GALNT2: variants seen among roughly 807,000 people sequenced by gnomAD.
GALNT2 encodes the protein UDP-GalNAc:polypeptide N-acetylgalactosaminyltransferase 2.
In GALNT2, 31 loss-of-function variants were observed where a neutral mutation model predicts 81.4. That is an observed-to-expected ratio of 0.38 (90% CI 0.29 to 0.51). The LOEUF (loss-of-function observed/expected upper bound fraction) is 0.51, where lower values mean the gene tolerates loss of function less well. GALNT2 is among the 20% of genes least tolerant of loss of function. The probability of loss-of-function intolerance (pLI) is 0.87; values close to 1 mark genes in which losing one functional copy is unlikely to be tolerated. For missense variants in GALNT2, 629 were observed against 765.7 expected (o/e 0.82, Z 2.11); for synonymous variants, 303 against 287.4 (o/e 1.05, Z -0.55).
At chr1:230,235,393 G>A (rs1015027480) in intron 3 of GALNT2, among the ~76,000 whole-genome samples, 6 of 152,118 alleles carry the variant, frequency 3.9e-5, no homozygotes, top group African/African-American at 1.4e-4. Flanking sequence ...GAAGAGGAGA[G>A]CTCAGGCAGG....
chr1:230,243,470 T>C lies in GALNT2; in HGVS notation c.729+43T>C. On this transcript the variant is annotated intron_variant, in intron 7 of 15. Coordinates refer to ENST00000366672, the MANE Select transcript of GALNT2 (RefSeq NM_004481.5). The surrounding 1 kb of genome is among the most constrained non-coding windows in gnomAD (Gnocchi z 4.2). ...GGGAGGGGTGTCAGGTCGTGGGTGG[T>C]TGGTAGAGGGGACAGAAGGGAGCAT... is the stretch of plus-strand genomic sequence containing the variant. 6.2e-7 allele frequency: 1 copy of C among 1,600,472 alleles called. No homozygotes were observed.
chr1:230,190,316 C>G (rs1463597973), intron 2 of GALNT2, among the ~76,000 whole-genome samples: 2 of 152,230 alleles, frequency 1.3e-5, no homozygotes, highest in Non-Finnish European at 2.9e-5. Flanking sequence ...GTGTGCTGCC[C>G]CCATAGCTGA....
chr1:230,224,399 C>T (rs1664643285), intron 3 of GALNT2, among the ~76,000 whole-genome samples: 1 of 152,210 alleles, frequency 6.6e-6, no homozygotes, highest in African/African-American at 2.4e-5. Context: ...AGCTGAAGTG[C>T]AGCCCTCGGA....
At chr1:230,200,256 G>T (rs1376253351) in intron 2 of GALNT2, among the ~76,000 whole-genome samples, 1 of 152,018 alleles carries the variant, frequency 6.6e-6, no homozygotes, top group Non-Finnish European at 1.5e-5. Context: ...TAGAGATGGG[G>T]TTTCACCATG....
rs559207387 is a variant in GALNT2 at position 230,201,607 on chromosome 1, A to G, written c.221-1530A>G. 4.6e-5 allele frequency among the ~76,000 whole-genome samples: 7 copies of G among 152,178 alleles called. No individual in the cohort carries two copies. In the South Asian group the frequency reaches 1.4e-3, roughly 32 times the overall value. On this transcript the variant is annotated intron_variant, in intron 2 of 15. Coordinates refer to ENST00000366672, the MANE Select transcript of GALNT2 (RefSeq NM_004481.5). ...TTTTCAAGGTCAACTGCACGACCCA[A>G]GGGTTGACACGCTGCAAAAGAGCTG...
chr1:230,236,433 A>G lies in GALNT2; in HGVS notation c.541+13A>G. On this transcript the variant is annotated intron_variant, in intron 5 of 15. Transcript: ENST00000366672. ...TACAGCAATGATCGTGAGTACTGAC[A>G]CTGATTTTATCCCTGTGTCTGGCTC... 1 of 1,613,000 alleles carries G rather than the reference A, an allele frequency of 6.2e-7. No individual in the cohort carries two copies. The highest frequency in any genetic ancestry group is 8.5e-7 in the Non-Finnish European group (1 of 1,178,992).
chr1:230,107,675 A>C (rs887007968), intron 1 of GALNT2, among the ~76,000 whole-genome samples: 1 of 150,714 alleles, frequency 6.6e-6, no homozygotes, highest in African/African-American at 2.4e-5. Flanking sequence ...CATGGATTAA[A>C]GAAAGGAGAA....
intron 3 of GALNT2, among the ~76,000 whole-genome samples, chr1:230,209,582 C>A (rs1215088475): frequency 3.3e-5 from 5 of 152,330 alleles, no homozygotes; most frequent in Middle Eastern, 6.8e-3. Context: ...TGGCTCATGC[C>A]TGTAATCCCA....
chr1:230,232,795 GA>G (rs1185049956), intron 3 of GALNT2, among the ~76,000 whole-genome samples: 1 of 152,100 alleles, frequency 6.6e-6, no homozygotes, highest in Non-Finnish European at 1.5e-5. Context: ...AAAAAAGAAA[GA>G]AAAACCAGCC....
chr1:230,220,761 G>A (rs10864731), intron 3 of GALNT2, among the ~76,000 whole-genome samples: 35,348 of 151,996 alleles, frequency 0.23, 6,854 homozygotes, highest in East Asian at 0.73. Flanking sequence ...AATCAGACCC[G>A]CCCTAAGGAA....
intron 1 of GALNT2, among the ~76,000 whole-genome samples, chr1:230,168,191 A>G (rs1275081534): frequency 6.6e-6 from 1 of 152,124 alleles, no homozygotes; most frequent in African/African-American, 2.4e-5. Context: ...TCGGGCGCTC[A>G]GCTAACTTAG....
chr1:230,245,141 C>A (rs1158937052), intron 7 of GALNT2, among the ~76,000 whole-genome samples: 1 of 150,810 alleles, frequency 6.6e-6, no homozygotes, highest in Non-Finnish European at 1.5e-5. Context: ...AAAGACATGG[C>A]TCAATCTAGG....
intron 1 of GALNT2, among the ~76,000 whole-genome samples, chr1:230,164,513 G>C (rs1662538811): frequency 2.5e-5 from 1 of 39,610 alleles, no homozygotes. Context: ...TTCTTGCCCA[G>C]GACAGCACGG....
intron 2 of GALNT2, among the ~76,000 whole-genome samples, chr1:230,195,307 C>T (rs1404363796): frequency 6.6e-6 from 1 of 150,600 alleles, no homozygotes; most frequent in Admixed American, 6.6e-5. Flanking sequence ...TGAGCTCTAG[C>T]CTTGGTGGAA....
At chr1:230,222,269 G>A (rs561319841) in intron 3 of GALNT2, among the ~76,000 whole-genome samples, 115 of 151,890 alleles carry the variant, frequency 7.6e-4, no homozygotes, top group Admixed American at 2.2e-3. Context: ...CTCGTGATCC[G>A]CCCGCCTCGG....
chr1:230,108,567 T>C (rs952758364), intron 1 of GALNT2, among the ~76,000 whole-genome samples: 2 of 152,256 alleles, frequency 1.3e-5, no homozygotes, highest in South Asian at 2.1e-4. Context: ...CCTCAGCTTA[T>C]GATGGGATCA....
chr1:230,238,773 AC>A (rs757883012), intron 6 of GALNT2, among the ~76,000 whole-genome samples: 69 of 152,100 alleles, frequency 4.5e-4, no homozygotes, highest in Non-Finnish European at 1.2e-4. Flanking sequence ...GGATTTTTAT[AC>A]CTGTGTTCAT....
intron 1 of GALNT2, among the ~76,000 whole-genome samples, chr1:230,090,009 C>A (rs1660017526): frequency 6.6e-6 from 1 of 152,270 alleles, no homozygotes; most frequent in African/African-American, 2.4e-5. Flanking sequence ...ACATTCCCAC[C>A]AACTGTACAC....
chr1:230,252,791 G>T (rs1206150381), intron 10 of GALNT2, among the ~76,000 whole-genome samples: 1 of 150,120 alleles, frequency 6.7e-6, no homozygotes, highest in East Asian at 2.0e-4. Context: ...TCTAAATCTT[G>T]TGGTGAGGCA....
Sources: gnomAD v4.1 joint callset for allele counts (sites outside exome capture counted in the v4.1 genomes callset) on GRCh38, gnomAD v4.1.1 for gene constraint, Gnocchi (gnomAD v3.1) non-coding constraint, MANE v1.5 for transcripts, NCBI Gene and HGNC (gene_info 2026-07-23, HGNC 2026-07-21) for gene names.